The following ATXN8OS variants were observed in gnomAD, a reference collection of about 807,000 sequenced individuals.
ATXN8OS encodes the protein ATXN8 opposite strand (non-protein coding).
chr13:70,171,096 C>A (rs1211785079), exon 5 of ATXN8OS, among the ~76,000 whole-genome samples: 2 of 152,014 alleles, frequency 1.3e-5, no homozygotes, highest in South Asian at 2.1e-4. Flanking sequence ...AGCCTCTGGA[C>A]CAGAATAGGT....
intron 4 of ATXN8OS, among the ~76,000 whole-genome samples, chr13:70,168,592 C>CT (rs1442630504): frequency 5.5e-5 from 6 of 109,660 alleles, no homozygotes; most frequent in Non-Finnish European, 1.1e-4. Flanking sequence ...TCTGTGACAT[C>CT]ATTTTTTTTT....
rs959486116 is a variant in ATXN8OS at position 70,121,284 on chromosome 13, T to G, written n.398+5986T>G. Among the ~76,000 whole-genome samples the G allele has an allele frequency of 3.3e-5, 5 of 152,022 alleles. No homozygotes were observed. The East Asian group carries it at 9.7e-4, about 30-fold the overall frequency. ...AAAGCCACTCGGGTAGCAAAGAGGA[T>G]GGGATATCAAAGGAACATAAAGATC... On this transcript the variant is annotated intron_variant and non_coding_transcript_variant, in intron 2 of 4. Coordinates refer to ENST00000678624, the Ensembl canonical transcript of ATXN8OS.
At chr13:70,126,809 TAGATAA>T (rs1272125891) in intron 2 of ATXN8OS, among the ~76,000 whole-genome samples, 4 of 151,770 alleles carry the variant, frequency 2.6e-5, no homozygotes, top group South Asian at 2.1e-4. Flanking sequence ...TATCTACAAA[TAGATAA>T]AGATAACCTT....
chr13:70,128,697 CTT>C (rs1458044558), intron 2 of ATXN8OS, among the ~76,000 whole-genome samples: 4 of 152,032 alleles, frequency 2.6e-5, no homozygotes, highest in East Asian at 1.9e-4. Flanking sequence ...AAAATTTACT[CTT>C]GTGTTTATTT....
intron 3 of ATXN8OS, among the ~76,000 whole-genome samples, chr13:70,138,438 C>A (rs1888650332): frequency 6.6e-6 from 1 of 151,778 alleles, no homozygotes; most frequent in South Asian, 2.1e-4. Flanking sequence ...TTTTAAAATG[C>A]AAAAAATAGG....
chr13:70,131,549 C>T (rs918583194), intron 3 of ATXN8OS: 1 of 398,326 alleles, frequency 2.5e-6, no homozygotes, highest in South Asian at 1.3e-4. Flanking sequence ...CCCCTCAATG[C>T]CTTTGGACTG....
At chr13:70,126,574 T>C (rs894285522) in intron 2 of ATXN8OS, among the ~76,000 whole-genome samples, 2 of 151,492 alleles carry the variant, frequency 1.3e-5, no homozygotes, top group Admixed American at 6.6e-5. Context: ...CATAAATAGA[T>C]CGATGTAAAC....
intron 3 of ATXN8OS, among the ~76,000 whole-genome samples, chr13:70,132,444 A>G (rs1489675475): frequency 6.6e-6 from 1 of 151,852 alleles, no homozygotes; most frequent in Non-Finnish European, 1.5e-5. Context: ...GATGGCAACA[A>G]TAGACATTGG....
At chr13:70,121,633 T>C (rs958314381) in intron 2 of ATXN8OS, among the ~76,000 whole-genome samples, 1 of 152,088 alleles carries the variant, frequency 6.6e-6, no homozygotes, top group African/African-American at 2.4e-5. Context: ...ACAGATGAGC[T>C]CTCTTAATTT....
intron 1 of ATXN8OS, among the ~76,000 whole-genome samples, chr13:70,109,861 GA>G (rs1395232888): frequency 6.6e-6 from 1 of 152,066 alleles, no homozygotes; most frequent in Non-Finnish European, 1.5e-5. Context: ...AAATAATGTT[GA>G]AAGTTGAAGT....
chr13:70,121,319 G>A (rs920724166), intron 2 of ATXN8OS, among the ~76,000 whole-genome samples: 1 of 152,112 alleles, frequency 6.6e-6, no homozygotes, highest in African/African-American at 2.4e-5. Flanking sequence ...CACTGCTCAT[G>A]ATAGTGTGGG....
At chr13:70,167,867 C>T (rs1035032322) in intron 4 of ATXN8OS, among the ~76,000 whole-genome samples, 2 of 151,228 alleles carry the variant, frequency 1.3e-5, no homozygotes, top group African/African-American at 4.9e-5. Context: ...TCCCGTGTAG[C>T]TTGGACTACA....
At chr13:70,119,702 A>G (rs1482822798) in intron 2 of ATXN8OS, among the ~76,000 whole-genome samples, 1 of 152,156 alleles carries the variant, frequency 6.6e-6, no homozygotes, top group Non-Finnish European at 1.5e-5. Context: ...ACCTGATGAC[A>G]TAAGTGAAAA....
chr13:70,151,835 T>C (rs7140072), intron 4 of ATXN8OS, among the ~76,000 whole-genome samples: 16,566 of 152,118 alleles, frequency 0.11, 952 homozygotes, highest in Non-Finnish European at 0.12. Flanking sequence ...TTGTTAGAAC[T>C]CTAGGCGTGG....
intron 3 of ATXN8OS, among the ~76,000 whole-genome samples, chr13:70,146,219 A>G (rs1319771531): frequency 6.7e-6 from 1 of 149,752 alleles, no homozygotes; most frequent in Non-Finnish European, 1.5e-5. Context: ...ATGAGATACC[A>G]TCTCACACCA....
At chr13:70,142,156 T>C (rs1055886180) in intron 3 of ATXN8OS, among the ~76,000 whole-genome samples, 1 of 152,132 alleles carries the variant, frequency 6.6e-6, no homozygotes, top group African/African-American at 2.4e-5. Context: ...AGTGCTGGGA[T>C]TACAGGCATG....
intron 1 of ATXN8OS, among the ~76,000 whole-genome samples, chr13:70,110,634 G>A (rs1185214761): frequency 1.3e-5 from 2 of 151,874 alleles, no homozygotes; most frequent in African/African-American, 4.8e-5. Context: ...AAATAATTTG[G>A]TTGGATATTA....
chr13:70,120,907 A>G (rs938261183), intron 2 of ATXN8OS, among the ~76,000 whole-genome samples: 9 of 101,952 alleles, frequency 8.8e-5, no homozygotes, highest in Non-Finnish European at 1.5e-4. Context: ...AACATCACAA[A>G]CCGGGGCCTG....
intron 1 of ATXN8OS, among the ~76,000 whole-genome samples, chr13:70,113,801 C>T (rs985243136): frequency 1.3e-5 from 2 of 152,098 alleles, no homozygotes; most frequent in Non-Finnish European, 2.9e-5. Context: ...TTTCATTCAC[C>T]TGCATTATTA....
Sources: gnomAD v4.1 joint callset for allele counts (sites outside exome capture counted in the v4.1 genomes callset) on GRCh38, gnomAD v4.1.1 for gene constraint, MANE v1.5 for transcripts, NCBI Gene and HGNC (gene_info 2026-07-23, HGNC 2026-07-21) for gene names.